MARCHF10: variants seen among roughly 807,000 people sequenced by gnomAD.
The protein encoded by MARCHF10 is membrane associated ring-CH-type finger 10.
In MARCHF10, 64 loss-of-function variants were observed where a neutral mutation model predicts 76.2. That is an observed-to-expected ratio of 0.84 (90% CI 0.69 to 1.03). The LOEUF (loss-of-function observed/expected upper bound fraction) is 1.03. Among genes scored for constraint, MARCHF10 ranks in the 50% least tolerant of loss-of-function variants. MARCHF10 has a pLI of 0.00. For synonymous variants in MARCHF10, 340 were observed against 357.5 expected (o/e 0.95, Z 0.55); for missense variants, 875 against 958.0 (o/e 0.91, Z 1.14).
At chr17:62,804,171 G>A (rs1409308099) in intron 1 of MARCHF10, among the ~76,000 whole-genome samples, 1 of 152,196 alleles carries the variant, frequency 6.6e-6, no homozygotes, top group Non-Finnish European at 1.5e-5. Context: ...GTGGGTTGGT[G>A]CCAGCATTCG....
intron 3 of MARCHF10, among the ~76,000 whole-genome samples, chr17:62,784,878 C>CA (rs2092720595): frequency 2.6e-5 from 4 of 151,890 alleles, no homozygotes; most frequent in Non-Finnish European, 5.9e-5. Context: ...TAAAAGAGGA[C>CA]AAAAACAAAT....
At chr17:62,753,556 G>T (rs1353386888) in intron 4 of MARCHF10, among the ~76,000 whole-genome samples, 1 of 152,106 alleles carries the variant, frequency 6.6e-6, no homozygotes, top group African/African-American at 2.4e-5. Flanking sequence ...ACTTGCCTGG[G>T]GACACTTGGA....
At chr17:62,783,413 A>G (rs1389767577) in intron 3 of MARCHF10, among the ~76,000 whole-genome samples, 1 of 152,068 alleles carries the variant, frequency 6.6e-6, no homozygotes, top group Non-Finnish European at 1.5e-5. Context: ...AATGCCCACA[A>G]GAGAAAGCAG....
At chr17:62,748,417 C>CAAACAAAA (rs2091782681) in intron 4 of MARCHF10, among the ~76,000 whole-genome samples, 2 of 151,222 alleles carry the variant, frequency 1.3e-5, no homozygotes, top group Admixed American at 6.6e-5. Context: ...AACAAACAAA[C>CAAACAAAA]AAACAAACAA....
chr17:62,808,016 G>C (rs942165752), intron 1 of MARCHF10, 61 bp downstream of exon 1: 1 of 152,136 alleles, frequency 6.6e-6, no homozygotes, highest in Non-Finnish European at 1.5e-5. Context: ...AGTCGAAAGG[G>C]AAGGTTGTCC....
intron 3 of MARCHF10, among the ~76,000 whole-genome samples, chr17:62,782,245 G>A (rs1337860896): frequency 1.3e-5 from 2 of 151,842 alleles, no homozygotes; most frequent in Admixed American, 6.6e-5. Flanking sequence ...CTAGCTCCAG[G>A]ACCTCCCTGG....
intron 8 of MARCHF10, among the ~76,000 whole-genome samples, chr17:62,721,867 T>C (rs897544988): frequency 4.6e-5 from 7 of 152,188 alleles, no homozygotes; most frequent in Non-Finnish European, 1.0e-4. Context: ...TTAAATTACT[T>C]CTGCAAACGT....
chr17:62,790,702 C>T (rs773751021), intron 2 of MARCHF10, among the ~76,000 whole-genome samples: 2 of 152,192 alleles, frequency 1.3e-5, no homozygotes, highest in Admixed American at 6.5e-5. Flanking sequence ...CATCTCCTTC[C>T]GTGATGCAGT....
chr17:62,752,103 A>G (rs1369817902), intron 4 of MARCHF10, among the ~76,000 whole-genome samples: 1 of 151,808 alleles, frequency 6.6e-6, no homozygotes, highest in Non-Finnish European at 1.5e-5. Flanking sequence ...GCTACAGAGG[A>G]TTCGAGTAAA....
At chr17:62,753,364 C>G (rs6504120) in intron 4 of MARCHF10, among the ~76,000 whole-genome samples, 78,642 of 152,054 alleles carry the variant, frequency 0.52, 21,414 homozygotes, top group East Asian at 0.7. Context: ...ACCTTAGCCT[C>G]CCAAAGCGCT....
At chr17:62,766,611 A>G (rs2092338496) in intron 3 of MARCHF10, among the ~76,000 whole-genome samples, 1 of 152,224 alleles carries the variant, frequency 6.6e-6, no homozygotes, top group African/African-American at 2.4e-5. Context: ...TTTTGCTACA[A>G]TGTGTTTCCC....
intron 1 of MARCHF10, among the ~76,000 whole-genome samples, chr17:62,804,054 G>A (rs1249285260): frequency 6.6e-6 from 1 of 152,168 alleles, no homozygotes; most frequent in Non-Finnish European, 1.5e-5. Context: ...TCTTAACCAA[G>A]GGATTCAAGG....
chr17:62,771,250 G>A (rs2092440731), intron 3 of MARCHF10, among the ~76,000 whole-genome samples: 1 of 152,078 alleles, frequency 6.6e-6, no homozygotes, highest in Admixed American at 6.6e-5. Context: ...ATGGGGGATG[G>A]AGGTGTCCTA....
intron 5 of MARCHF10, among the ~76,000 whole-genome samples, chr17:62,741,324 A>G (rs1432884170): frequency 6.6e-6 from 1 of 152,168 alleles, no homozygotes; most frequent in Non-Finnish European, 1.5e-5. Flanking sequence ...ATTTTCTTAG[A>G]CTAGATCTAT....
chr17:62,748,179 C>T (rs1217935286), intron 4 of MARCHF10, among the ~76,000 whole-genome samples: 3 of 152,074 alleles, frequency 2.0e-5, no homozygotes, highest in Admixed American at 6.6e-5. Flanking sequence ...GGGTGGATCA[C>T]GAGGTCAGGA....
rs539548478 is a variant in MARCHF10 at position 62,705,016 on chromosome 17, T to C, written c.2371+523A>G. 3.2e-4 allele frequency: 321 copies of C among 987,996 alleles called. 1 individual carries two copies. In the African/African-American group the frequency reaches 5.2e-3, roughly 16 times the overall value. The allele number at this position is 987,996 out of a possible 1,614,324, so 61.2% of individuals were successfully genotyped here. On this transcript the variant is annotated intron_variant, in intron 10 of 10. Coordinates refer to ENST00000311269, the MANE Select transcript of MARCHF10 (RefSeq NM_152598.4). ...TCTCGAACCTGTTTGCAGAGAGCCG[T>C]CTTGCCCGCTTTGAGGGCCCTTTCT... is the stretch of plus-strand genomic sequence containing the variant.
intron 1 of MARCHF10, chr17:62,806,478 C>T (rs972723344): frequency 6.6e-6 from 1 of 152,214 alleles, no homozygotes; most frequent in Non-Finnish European, 1.5e-5. Context: ...ATGCACACTT[C>T]TGTTTTAAGT....
At chr17:62,785,725 C>A (rs1284293824) in intron 3 of MARCHF10, among the ~76,000 whole-genome samples, 1 of 152,156 alleles carries the variant, frequency 6.6e-6, no homozygotes, top group Non-Finnish European at 1.5e-5. Context: ...AGGATATGAA[C>A]AGACACTTTT....
rs949170015 is a variant in MARCHF10, at chr17:62,725,459, C to A, written c.1938-355G>T. Among the ~76,000 whole-genome samples, 5 of 152,150 alleles carry A rather than the reference C, an allele frequency of 3.3e-5. No individual in the cohort carries two copies. The East Asian group carries it at 9.6e-4, about 29-fold the overall frequency. The stretch of plus-strand genomic sequence containing the variant: ...AAAAATTATTTTGTAGAGATGGAGT[C>A]TCACGATGTTGCCCAGACTGGTCTT... On this transcript the variant is annotated intron_variant, in intron 6 of 10. Coordinates refer to ENST00000311269, the MANE Select transcript of MARCHF10 (RefSeq NM_152598.4).
Sources: allele counts gnomAD v4.1 joint callset (sites outside exome capture counted in the v4.1 genomes callset), GRCh38; gene constraint gnomAD v4.1.1; transcripts MANE v1.5; gene names NCBI Gene and HGNC (gene_info 2026-07-23, HGNC 2026-07-21).